SACS: variants seen among roughly 807,000 people sequenced by gnomAD.
SACS encodes sacsin.
Under a neutral mutation model 348.0 loss-of-function variants are expected in SACS, and 197 were observed. The ratio of observed to expected loss-of-function variants is 0.57; its 90% CI spans 0.50 to 0.64. SACS has a LOEUF of 0.64. Ranked by LOEUF, SACS falls within the 30% of genes least tolerant of loss-of-function variation. The probability of loss-of-function intolerance (pLI) is 0.00; values close to 1 mark genes in which losing one functional copy is unlikely to be tolerated. For missense variants in SACS, 4,999 were observed against 5,360.8 expected, an observed-to-expected ratio of 0.93 and a Z score of 2.11; for synonymous variants, 1,985 against 1,910.6, an observed-to-expected ratio of 1.04 and a Z score of -1.02.
At chr13:23,366,878 G>C (rs1871098784) in intron 5 of SACS, among the ~76,000 whole-genome samples, 1 of 152,204 alleles carries the variant, frequency 6.6e-6, no homozygotes, top group Admixed American at 6.5e-5. Flanking sequence ...AAATACCATA[G>C]AAGGTGGTGG....
intron 2 of SACS, among the ~76,000 whole-genome samples, chr13:23,403,693 A>G (rs1873081317): frequency 1.3e-5 from 2 of 152,166 alleles, no homozygotes; most frequent in East Asian, 1.9e-4. Flanking sequence ...TCAAAAAAAC[A>G]GGTCCTGGAT....
chr13:23,346,559 G>T (rs1422250700), intron 9 of SACS, among the ~76,000 whole-genome samples: 2 of 152,130 alleles, frequency 1.3e-5, no homozygotes, highest in East Asian at 3.8e-4. Flanking sequence ...ACCATTCTTT[G>T]ATTAGAGACT....
chr13:23,412,253 TTC>T (rs966517160), intron 1 of SACS, among the ~76,000 whole-genome samples: 86 of 152,136 alleles, frequency 5.7e-4, no homozygotes, highest in African/African-American at 2.0e-3. Flanking sequence ...CAGAGCCAGA[TTC>T]TGTCTCAAAA....
At chr13:23,414,573 T>C (rs1207913519) in intron 1 of SACS, among the ~76,000 whole-genome samples, 1 of 152,200 alleles carries the variant, frequency 6.6e-6, no homozygotes, top group Non-Finnish European at 1.5e-5. Flanking sequence ...GAATACATGT[T>C]CTGTAATGTA....
rs1057516959 is a variant in SACS at position 23,336,087 on chromosome 13, TA to T, written c.7788del (p.Phe2596LeufsTer29). ...PALCVYNNQP[F>X]TEDDVRGIQN... is the part of the protein sequence containing the mutation. ...TGAATTCCTCTAACATCATCTTCTG[TA>T]AATGGCTGGTTGTTGTACACACAAA... On this transcript the variant is annotated frameshift_variant, in exon 10 of 10. Coordinates refer to ENST00000382292, the MANE Select transcript of SACS (RefSeq NM_014363.6). LOFTEE classifies it high-confidence loss of function. 6.2e-7 allele frequency: 1 copy of T among 1,611,424 alleles called. No homozygotes were observed. The highest frequency in any genetic ancestry group is 8.5e-7 in the Non-Finnish European group (1 of 1,178,066).
In SACS at chr13:23,394,897, T is replaced by G. The variant is rs1872653330; in HGVS notation, c.20+16323A>C. On this transcript the variant is annotated intron_variant, in intron 2 of 9. Coordinates refer to ENST00000382292, the MANE Select transcript of SACS (RefSeq NM_014363.6). ...CGTCATTGGACTCCTGGACCTCTCATCTTATCATTGGATCCTTGGACCTCT... is the reference window on the plus strand; with the variant it reads ...CGTCATTGGACTCCTGGACCTCTCAGCTTATCATTGGATCCTTGGACCTCT... Among the ~76,000 whole-genome samples, 3 of 152,176 alleles carry G rather than the reference T, an allele frequency of 2.0e-5. No individual in the cohort carries two copies. In the South Asian group the frequency reaches 6.2e-4, roughly 31 times the overall value.
At chr13:23,381,675 G>A (rs574274957) in intron 2 of SACS, among the ~76,000 whole-genome samples, 2 of 152,218 alleles carry the variant, frequency 1.3e-5, no homozygotes, top group East Asian at 1.9e-4. Flanking sequence ...AGAAGTAATT[G>A]AGAAACATGA....
rs1883364492 is a variant in SACS at position 23,329,991 on chromosome 13, T to A, written c.*145A>T. The A allele has an allele frequency of 1.3e-6, 1 of 766,206 alleles. No individual in the cohort carries two copies. Among genetic ancestry groups the A allele is most frequent in the East Asian group, 2.7e-5 (1 of 37,256 alleles). The allele number at this position is 766,206 out of a possible 1,614,324, so 47.5% of individuals were successfully genotyped here. A position where few individuals can be genotyped will look rare whatever the true frequency, so the allele number is the denominator to read the frequency against. ...TTAAGGTTTTCCGTTGGTATTCATG[T>A]TCATAACAACTCCAGAATTCTCCAA... On this transcript the variant is annotated 3_prime_UTR_variant, in exon 10 of 10. Transcript: ENST00000382292.
At chr13:23,376,990 T>C (rs1871835706) in intron 2 of SACS, among the ~76,000 whole-genome samples, 1 of 152,238 alleles carries the variant, frequency 6.6e-6, no homozygotes, top group Non-Finnish European at 1.5e-5. Context: ...TGAATCATCC[T>C]ACAATATGGG....
Position 23,375,227 on chromosome 13 carries a change from C to T in SACS, c.63G>A (p.Arg21=). 6.7e-7 allele frequency: 1 copy of T among 1,493,864 alleles called. No individual in the cohort carries two copies. The highest frequency in any genetic ancestry group is 1.3e-5 in the South Asian group (1 of 78,430). 92.5% of individuals were successfully genotyped at this position (1,493,864 alleles called of 1,614,324 possible). ...TCCAGGACGCCAGCGCCGCGACGGTCCTGCAGCCCACGCAGCCGGGGAGCA... is the reference window on the plus strand; with the variant it reads ...TCCAGGACGCCAGCGCCGCGACGGTTCTGCAGCCCACGCAGCCGGGGAGCA... ...VTVLPGCVGC[R]TVAALASWTV... Residue 21 remains arginine (R), a synonymous_variant, in exon 3 of 10, where the codon AGG becomes AGA. Transcript: ENST00000382292.
At chr13:23,410,887 A>G (rs527824742) in intron 2 of SACS, among the ~76,000 whole-genome samples, 59 of 152,260 alleles carry the variant, frequency 3.9e-4, no homozygotes, top group African/African-American at 1.3e-3. Flanking sequence ...TTTATTTTAT[A>G]TTTTCCAAAC....
At position 23,407,139 on chromosome 13, in the gene SACS, A is replaced by G. The variant is rs532324194; in HGVS notation, c.20+4081T>C. 2.6e-5 allele frequency among the ~76,000 whole-genome samples: 4 copies of G among 152,340 alleles called. 1 individual carries two copies. Among genetic ancestry groups the G allele is most frequent in the Admixed American group, 6.5e-5 (1 of 15,300 alleles). The stretch of plus-strand genomic sequence containing the variant: ...CACCCGAAGATACTGTAAGCCCAAC[A>G]TCTAGACTCAGAAACTGAGTTTACA... On this transcript the variant is annotated intron_variant, in intron 2 of 9. Coordinates refer to ENST00000382292, the MANE Select transcript of SACS (RefSeq NM_014363.6).
At chr13:23,347,209 A>G (rs761096903) in intron 9 of SACS, among the ~76,000 whole-genome samples, 7 of 152,194 alleles carry the variant, frequency 4.6e-5, no homozygotes, top group Non-Finnish European at 8.8e-5. Flanking sequence ...AAAAAACCTG[A>G]TTTTTTAAAT....
chr13:23,391,469 G>A (rs145361651), intron 2 of SACS, among the ~76,000 whole-genome samples: 3 of 152,244 alleles, frequency 2.0e-5, no homozygotes, highest in East Asian at 3.9e-4. Context: ...AAGAGAGTAC[G>A]GTCAGGGAAT....
intron 9 of SACS, among the ~76,000 whole-genome samples, chr13:23,352,660 A>G (rs557666538): frequency 1.3e-5 from 2 of 152,334 alleles, no homozygotes; most frequent in Non-Finnish European, 2.9e-5. Flanking sequence ...AAGGAGTTCC[A>G]AATCGTTAGA....
At position 23,366,191 on chromosome 13, in the gene SACS, T is replaced by C. The variant is rs180881497; in HGVS notation, c.346-914A>G. On this transcript the variant is annotated intron_variant, in intron 5 of 9. Coordinates refer to ENST00000382292, the MANE Select transcript of SACS (RefSeq NM_014363.6). ...AGCACTTTAACTGATACTACAACAATGTCAACAGTGATGCCTACATCAGAG... is the reference window on the plus strand; with the variant it reads ...AGCACTTTAACTGATACTACAACAACGTCAACAGTGATGCCTACATCAGAG... Among the ~76,000 whole-genome samples, 7 of 152,280 alleles carry C rather than the reference T, an allele frequency of 4.6e-5. No homozygotes were observed. In the East Asian group the frequency reaches 7.7e-4, roughly 17 times the overall value.
At chr13:23,358,292 A>G in intron 7 of SACS, 43 bp downstream of exon 7, 1 of 1,588,036 alleles carries the variant, frequency 6.3e-7, no homozygotes. Flanking sequence ...AATGTAAGAT[A>G]TAATATTTTC....
chr13:23,421,701 G>A (rs1167663945), intron 1 of SACS, among the ~76,000 whole-genome samples: 1 of 151,074 alleles, frequency 6.6e-6, no homozygotes, highest in Non-Finnish European at 1.5e-5. Context: ...ATGTCCACAT[G>A]GGAACTGGGC....
rs760926837 is a variant in SACS at position 23,338,688 on chromosome 13, T to G, written c.5188A>C (p.Ser1730Arg). 18 of 1,614,018 alleles carry G rather than the reference T, an allele frequency of 1.1e-5. No homozygotes were observed. The South Asian group carries it at 1.4e-4, about 13-fold the overall frequency. The change falls in exon 10 of 10, where the codon AGT becomes CGT. Residue 1730 changes from serine to arginine, a missense_variant. Coordinates refer to ENST00000382292, the MANE Select transcript of SACS (RefSeq NM_014363.6). Reference sequence around the variant, plus strand: ...AGCTTAGCAGCCTCTTTTAAAACACTTAAGACAGGTGTGTTCAATGCTTTG... The same window carrying G: ...AGCTTAGCAGCCTCTTTTAAAACACGTAAGACAGGTGTGTTCAATGCTTTG... ...SSKALNTPVL[S>R]VLKEAAKLMK...
Sources: gnomAD v4.1 joint callset for allele counts (sites outside exome capture counted in the v4.1 genomes callset) on GRCh38, gnomAD v4.1.1 for gene constraint, MANE v1.5 for transcripts, NCBI Gene and HGNC (gene_info 2026-07-23, HGNC 2026-07-21) for gene names.